Variants in N4BP2L1 observed in about 807,000 individuals in gnomAD.
N4BP2L1 encodes the protein NEDD4-binding protein 2-like 1.
In N4BP2L1, 12 loss-of-function variants were observed where a neutral mutation model predicts 21.2. That is an observed-to-expected ratio of 0.57 (90% CI 0.36 to 0.92). N4BP2L1 has a LOEUF of 0.92. N4BP2L1 is among the 40% of genes least tolerant of loss of function. The pLI is 0.01. For synonymous variants in N4BP2L1, 104 were observed against 112.8 expected (o/e 0.92, Z 0.49); for missense variants, 259 against 310.6 (o/e 0.83, Z 1.25).
chr13:32,419,077 G>C (rs1043942433), intron 1 of N4BP2L1, among the ~76,000 whole-genome samples: 2 of 152,092 alleles, frequency 1.3e-5, no homozygotes, highest in Non-Finnish European at 2.9e-5. Context: ...GAGGACATGA[G>C]ATTTTGGAGG....
In N4BP2L1 at chr13:32,413,876, C is replaced by CTTT. The variant is rs57796470; in HGVS notation, c.180-6107_180-6105dup. Among the ~76,000 whole-genome samples the CTTT allele has an allele frequency of 1.2e-3, 115 of 98,578 alleles. 1 individual carries two copies. Among genetic ancestry groups the CTTT allele is most frequent in the African/African-American group, 1.7e-3 (42 of 24,568 alleles). The allele number at this position is 98,578 out of a possible 152,430, so 64.7% of individuals were successfully genotyped here. A position where few individuals can be genotyped will look rare whatever the true frequency, so the allele number is the denominator to read the frequency against. On this transcript the variant is annotated intron_variant, in intron 1 of 4. Transcript: ENST00000380130. ...TAGAGTACACCAAGTTTGCACCAAG[C>CTTT]TTTTTTTTTTTTTTTTTTTTTTTGA... is the stretch of plus-strand genomic sequence containing the variant.
chr13:32,415,053 A>T (rs2074052989), intron 1 of N4BP2L1, among the ~76,000 whole-genome samples: 1 of 152,244 alleles, frequency 6.6e-6, no homozygotes, highest in Non-Finnish European at 1.5e-5. Context: ...TGGATTTCTA[A>T]CAGTGGTGGC....
chr13:32,407,566 T>C, intron 2 of N4BP2L1, 79 bp downstream of exon 2: 1 of 1,604,490 alleles, frequency 6.2e-7, no homozygotes. Flanking sequence ...ACTCCTTCCA[T>C]AAAATTTATT....
chr13:32,418,434 C>A (rs112478917), intron 1 of N4BP2L1, among the ~76,000 whole-genome samples: 6,926 of 152,328 alleles, frequency 0.045, 508 homozygotes, highest in African/African-American at 0.16. Flanking sequence ...GATTTCCAGG[C>A]AGAGGTGTGC....
intron 1 of N4BP2L1, among the ~76,000 whole-genome samples, chr13:32,417,208 C>T (rs192614606): frequency 8.8e-4 from 134 of 152,256 alleles, no homozygotes; most frequent in African/African-American, 2.8e-3. Flanking sequence ...AGATTCAGTT[C>T]GTCCTCAATA....
At chr13:32,410,619 T>C (rs921765214) in intron 1 of N4BP2L1, among the ~76,000 whole-genome samples, 12 of 152,214 alleles carry the variant, frequency 7.9e-5, no homozygotes, top group African/African-American at 2.7e-4. Flanking sequence ...TAACCTCTGA[T>C]GCAAACAATT....
intron 1 of N4BP2L1, among the ~76,000 whole-genome samples, chr13:32,412,340 T>C (rs536974757): frequency 1.3e-5 from 2 of 152,128 alleles, no homozygotes; most frequent in South Asian, 4.1e-4. Flanking sequence ...TGAAAGTAAA[T>C]TGCAGGCCGG....
At chr13:32,415,657 T>C (rs472873) in intron 1 of N4BP2L1, among the ~76,000 whole-genome samples, 62,917 of 152,058 alleles carry the variant, frequency 0.41, 13,349 homozygotes, top group African/African-American at 0.49. Flanking sequence ...CTTCGTATTT[T>C]AGACTCCTAA....
chr13:32,402,471 A>G lies in N4BP2L1; in HGVS notation c.*471T>C, dbSNP rs17692629. On this transcript the variant is annotated 3_prime_UTR_variant, in exon 5 of 5. Transcript: ENST00000380130. ...TAAGAGTCGCACATCTCACATTTTTAGATACATAGATTATCAAAGTAGCAA... is the reference window on the plus strand; with the variant it reads ...TAAGAGTCGCACATCTCACATTTTTGGATACATAGATTATCAAAGTAGCAA... 0.16 allele frequency: 150,134 copies of G among 945,702 alleles called. 13,725 individuals are homozygous for G. The highest frequency in any genetic ancestry group is 0.37 in the East Asian group (3,098 of 8,420). 58.6% of individuals were successfully genotyped at this position (945,702 alleles called of 1,614,324 possible).
rs1328372888 is a variant in N4BP2L1, at chr13:32,407,730, C to T, written c.222G>A (p.Thr74=). The T allele has an allele frequency of 5.6e-6, 9 of 1,607,128 alleles. No homozygotes were observed. Among genetic ancestry groups the T allele is most frequent in the African/African-American group, 1.3e-5 (1 of 74,438 alleles). Residue 74 remains threonine (T), a synonymous_variant, in exon 2 of 5, where the codon ACG becomes ACA. Transcript: ENST00000380130. ...CATCTTCCCTGAAGAAAAAATCATC[C>T]GTGCTGAAAATCAGGGCCCTGGGAA... ...HDFPRALIFS[T]DDFFFREDGA...
intron 1 of N4BP2L1, among the ~76,000 whole-genome samples, chr13:32,422,891 A>G (rs1275896974): frequency 6.6e-6 from 1 of 152,218 alleles, no homozygotes; most frequent in East Asian, 1.9e-4. Flanking sequence ...GATTTGATAT[A>G]TCACCTGTCT....
At chr13:32,417,810 G>A (rs1388347461) in intron 1 of N4BP2L1, among the ~76,000 whole-genome samples, 3 of 152,178 alleles carry the variant, frequency 2.0e-5, no homozygotes, top group Non-Finnish European at 4.4e-5. Context: ...ACTGGGAACT[G>A]GAGTAAAGGT....
intron 2 of N4BP2L1, 120 bp downstream of exon 2, chr13:32,407,525 T>TG: frequency 6.3e-7 from 1 of 1,594,806 alleles, no homozygotes; most frequent in Non-Finnish European, 8.5e-7. Flanking sequence ...TGTTCTGTTT[T>TG]GGGGGAAAAA....
intron 1 of N4BP2L1, among the ~76,000 whole-genome samples, chr13:32,410,059 G>A (rs1368481745): frequency 2.0e-5 from 3 of 152,240 alleles, no homozygotes; most frequent in Non-Finnish European, 4.4e-5. Flanking sequence ...AAGGGATAAG[G>A]TGGATAGTTC....
intron 1 of N4BP2L1, among the ~76,000 whole-genome samples, chr13:32,416,984 T>G (rs1257493712): frequency 6.6e-6 from 1 of 151,968 alleles, no homozygotes; most frequent in African/African-American, 2.4e-5. Flanking sequence ...CCCTGGCTAA[T>G]TTTTGTATTT....
At chr13:32,405,231 C>T (rs1340161171) in intron 3 of N4BP2L1, among the ~76,000 whole-genome samples, 2 of 152,060 alleles carry the variant, frequency 1.3e-5, no homozygotes, top group Non-Finnish European at 2.9e-5. Flanking sequence ...AAAATGAGGC[C>T]GGGCGCGGTG....
chr13:32,423,410 C>T (rs754762229), intron 1 of N4BP2L1, among the ~76,000 whole-genome samples: 6 of 152,078 alleles, frequency 3.9e-5, no homozygotes, highest in Non-Finnish European at 7.4e-5. Context: ...AGGGTGGTTC[C>T]CCTGACTTTG....
At chr13:32,404,298 G>A in intron 4 of N4BP2L1, 23 bp downstream of exon 4, 5 of 1,604,446 alleles carry the variant, frequency 3.1e-6, no homozygotes, top group Non-Finnish European at 4.3e-6. Flanking sequence ...ACATAATGAG[G>A]AACTAGAAAA....
At chr13:32,407,222 G>T in intron 3 of N4BP2L1, 28 bp downstream of exon 3, 2 of 1,605,152 alleles carry the variant, frequency 1.2e-6, no homozygotes, top group South Asian at 1.1e-5. Flanking sequence ...GTCCATAACT[G>T]AAAATTCAGA....
Sources: allele counts gnomAD v4.1 joint callset (sites outside exome capture counted in the v4.1 genomes callset), GRCh38; gene constraint gnomAD v4.1.1; transcripts MANE v1.5; gene names NCBI Gene and HGNC (gene_info 2026-07-23, HGNC 2026-07-21).